The following RBMXL3 variants were observed in gnomAD, a reference collection of about 807,000 sequenced individuals.
The protein encoded by RBMXL3 is RNA-binding motif protein, X-linked-like-3.
Under a neutral mutation model 0.8 loss-of-function variants are expected in RBMXL3, and 2 were observed. The ratio of observed to expected loss-of-function variants is 2.54; its 90% CI spans 1.04 to 8.00. The LOEUF is 8.00. RBMXL3 is among the 30% of genes most tolerant of loss of function. The pLI, the probability that RBMXL3 is intolerant of heterozygous loss-of-function variation, is 0.04. For missense variants in RBMXL3, 1,127 were observed against 1,068.0 expected (o/e 1.06, Z -0.77); for synonymous variants, 447 against 449.8 (o/e 0.99, Z 0.08).
chrX:115,189,942 G>A lies in RBMXL3; in HGVS notation c.501G>A (p.Pro167=), dbSNP rs62601528. ...WASPPHKRAT[P]SSLAHSVGCG... ...GCCCACCCCACAAGAGGGCCACGCC[G>A]TCGAGCCTGGCTCACAGCGTTGGCT... Residue 167 remains proline (P), a synonymous_variant, in exon 1 of 1, where the codon CCG becomes CCA. Coordinates refer to ENST00000424776, the MANE Select transcript of RBMXL3 (RefSeq NM_001145346.2). The A allele has an allele frequency of 0.14, 166,191 of 1,158,351 alleles. 9,040 individuals are homozygous for A. Among genetic ancestry groups the A allele is most frequent in the Non-Finnish European group, 0.16 (140,529 of 868,750 alleles).
At position 115,192,401 on chromosome X, in the gene RBMXL3, A is replaced by T. The variant is rs2072848241; in HGVS notation, c.2960A>T (p.Gln987Leu). The stretch of plus-strand genomic sequence containing the variant: ...GGAGGAGGCCACTACGAGGAGTACC[A>T]GGGCAGCTTGCCTGACGCCTACAGC... ...YGGGGHYEEYQGSLPDAYSGD... is the reference protein window; with the variant it reads ...YGGGGHYEEYLGSLPDAYSGD... Residue 987 changes from glutamine (Q) to leucine (L), a missense_variant, in exon 1 of 1, where the codon CAG becomes CTG. Coordinates refer to ENST00000424776, the MANE Select transcript of RBMXL3 (RefSeq NM_001145346.2). 4.3e-6 allele frequency: 5 copies of T among 1,165,512 alleles called. No individual in the cohort carries two copies. The highest frequency in any genetic ancestry group is 5.7e-6 in the Non-Finnish European group (5 of 871,339).
Position 115,191,556 on chromosome X carries a change from C to G in RBMXL3, c.2115C>G (p.Gly705=). 1 of 975,578 alleles carries G rather than the reference C, an allele frequency of 1.0e-6. No homozygotes were observed. Among genetic ancestry groups the G allele is most frequent in the African/African-American group, 2.9e-5 (1 of 33,929 alleles). The allele number at this position is 975,578 out of a possible 1,213,427, so 80.4% of individuals were successfully genotyped here. Reference sequence around the variant, plus strand: ...GCCAGAGCAACCGCTATGGAGGAGGCGGCCGCTACGAGGAGTACCGAGGCC... The same window carrying G: ...GCCAGAGCAACCGCTATGGAGGAGGGGGCCGCTACGAGGAGTACCGAGGCC... ...SSSQSNRYGG[G]GRYEEYRGHS... is the part of the protein sequence containing the mutation. Residue 705 remains glycine (G), a synonymous_variant, in exon 1 of 1, where the codon GGC becomes GGG. Coordinates refer to ENST00000424776, the MANE Select transcript of RBMXL3 (RefSeq NM_001145346.2).
rs1556556382 is a variant in RBMXL3, at chrX:115,189,761, T to G, written c.320T>G (p.Phe107Cys). The G allele has an allele frequency of 3.4e-6, 4 of 1,165,969 alleles. No individual in the cohort carries two copies. The highest frequency in any genetic ancestry group is 4.6e-6 in the Non-Finnish European group (4 of 872,662). Residue 107 changes from phenylalanine to cysteine, a missense_variant, in exon 1 of 1, where the codon TTC becomes TGC. Coordinates refer to ENST00000424776, the MANE Select transcript of RBMXL3 (RefSeq NM_001145346.2). ...CCCGGCAGCGGCAGTCGCTCAAGGT[T>G]CTCACACAGAACCCGTGGGGGTGGC... ...PTPGSGSRSRFSHRTRGGGSS... is the reference protein window; with the variant it reads ...PTPGSGSRSRCSHRTRGGGSS...
Position 115,191,388 on chromosome X carries a change from C to T in RBMXL3, c.1947C>T (p.Ala649=). The part of the protein sequence containing the change: ...DANSGGRSPD[A]YSGGHDSSGQ... ...ACAGTGGAGGCCGCTCGCCTGATGC[C>T]TACAGTGGGGGCCACGACAGTTCTG... The change falls in exon 1 of 1, where the codon GCC becomes GCT. Residue 649 remains alanine, a synonymous_variant. Coordinates refer to ENST00000424776, the MANE Select transcript of RBMXL3 (RefSeq NM_001145346.2). 8.7e-7 allele frequency: 1 copy of T among 1,148,309 alleles called. No homozygotes were observed. 94.6% of individuals were successfully genotyped at this position (1,148,309 alleles called of 1,213,427 possible).
Position 115,189,753 on chromosome X carries a change from C to G in RBMXL3, c.312C>G (p.Arg104=). 8.6e-7 allele frequency: 1 copy of G among 1,166,967 alleles called. No individual in the cohort carries two copies. The highest frequency in any genetic ancestry group is 1.1e-6 in the Non-Finnish European group (1 of 872,604). ...WVPPTPGSGS[R]SRFSHRTRGG... is the part of the protein sequence containing the mutation. Reference sequence around the variant, plus strand: ...CGCCAACCCCCGGCAGCGGCAGTCGCTCAAGGTTCTCACACAGAACCCGTG... The same window carrying G: ...CGCCAACCCCCGGCAGCGGCAGTCGGTCAAGGTTCTCACACAGAACCCGTG... The change falls in exon 1 of 1, where the codon CGC becomes CGG. Residue 104 remains arginine (R), a synonymous_variant. Coordinates refer to ENST00000424776, the MANE Select transcript of RBMXL3 (RefSeq NM_001145346.2).
rs1321043369 is a variant in RBMXL3 at position 115,189,988 on chromosome X, C to G, written c.547C>G (p.Pro183Ala). ...TGGCTGTGGAATGCGCGGGAAGGCA[C>G]CGACTGTGTCGGGGCAAGATGGCTA... The part of the protein sequence containing the change: ...SVGCGMRGKA[P>A]TVSGQDGYSG... The change falls in exon 1 of 1, where the codon CCG becomes GCG. Residue 183 changes from proline to alanine, a missense_variant. Transcript: ENST00000424776. The G allele has an allele frequency of 8.6e-7, 1 of 1,162,666 alleles. No homozygotes were observed. Among genetic ancestry groups the G allele is most frequent in the African/African-American group, 1.8e-5 (1 of 56,162 alleles).
rs1556556752 is a variant in RBMXL3 at position 115,190,020 on chromosome X, C to T, written c.579C>T (p.Gly193=). 5 of 1,159,928 alleles carry T rather than the reference C, an allele frequency of 4.3e-6. No homozygotes were observed. The highest frequency in any genetic ancestry group is 5.2e-5 in the Admixed American group (2 of 38,636). The change falls in exon 1 of 1, where the codon GGC becomes GGT. Residue 193 remains glycine (G), a synonymous_variant. Transcript: ENST00000424776. ...PTVSGQDGYS[G]LQPRRWAGPP... ...TGTCGGGGCAAGATGGCTACTCAGG[C>T]TTGCAGCCACGGCGCTGGGCCGGCC...
chrX:115,189,441 C>G lies in RBMXL3; in HGVS notation c.-1C>G. The G allele has an allele frequency of 8.6e-7, 1 of 1,166,193 alleles. No individual in the cohort carries two copies. Among genetic ancestry groups the G allele is most frequent in the Non-Finnish European group, 1.1e-6 (1 of 871,316 alleles). On this transcript the variant is annotated 5_prime_UTR_variant, in exon 1 of 1. Coordinates refer to ENST00000424776, the MANE Select transcript of RBMXL3 (RefSeq NM_001145346.2). ...TCTGACCCACCATTCGGCAGGGAGA[C>G]ATGATGGAAGCGGATCGCCCAGAGA...
chrX:115,190,946 A>G lies in RBMXL3; in HGVS notation c.1505A>G (p.Asp502Gly), dbSNP rs1156272312. The change falls in exon 1 of 1, where the codon GAC becomes GGC. Residue 502 changes from aspartate (D) to glycine (G), a missense_variant. Asp to Gly is a moderately conservative substitution (Grantham distance 94). Transcript: ENST00000424776. ...SGGHDNSSWS[D>G]RYGVGGHYEE... ...GGCCACGACAATTCCAGCTGGAGCG[A>G]CCGCTACGGAGTAGGAGGCCACTAT... is the stretch of plus-strand genomic sequence containing the variant. 2.6e-6 allele frequency: 3 copies of G among 1,164,031 alleles called. No homozygotes were observed. Among genetic ancestry groups the G allele is most frequent in the East Asian group, 6.6e-5 (2 of 30,514 alleles).
chrX:115,190,206 G>A lies in RBMXL3; in HGVS notation c.765G>A (p.Ala255=), dbSNP rs782413916. The stretch of plus-strand genomic sequence containing the variant: ...GCGACCCTGGGGATTTTGTCCCTGC[G>A]CTCAGAGACTACAGCCGCCGCTATT... ...PCRDPGDFVP[A]LRDYSRRYYG... The change falls in exon 1 of 1, where the codon GCG becomes GCA. Residue 255 remains alanine, a synonymous_variant. Transcript: ENST00000424776. 2.9e-5 allele frequency: 34 copies of A among 1,165,192 alleles called. No individual in the cohort carries two copies. Among genetic ancestry groups the A allele is most frequent in the African/African-American group, 8.9e-5 (5 of 56,105 alleles).
In RBMXL3 at chrX:115,190,489, C is replaced by T. The variant is rs982344962; in HGVS notation, c.1048C>T (p.Pro350Ser). The T allele has an allele frequency of 8.6e-7, 1 of 1,166,866 alleles. No homozygotes were observed. Among genetic ancestry groups the T allele is most frequent in the East Asian group, 3.3e-5 (1 of 30,713 alleles). The change falls in exon 1 of 1, where the codon CCA becomes TCA. Residue 350 changes from proline (P) to serine (S), a missense_variant. By Grantham distance (74) the Pro-to-Ser change is moderately conservative. Transcript: ENST00000424776. ...TGAAGGCCGCTCGTCCGAGGCCTTG[C>T]CAGTCGTCTTGCCAGACGCCTACAG... The part of the protein sequence containing the change: ...CSEGRSSEAL[P>S]VVLPDAYSRD...
chrX:115,189,940 C>T lies in RBMXL3; in HGVS notation c.499C>T (p.Pro167Ser), dbSNP rs1367014038. The change falls in exon 1 of 1, where the codon CCG becomes TCG. Residue 167 changes from proline (P) to serine (S), a missense_variant. By Grantham distance (74) the Pro-to-Ser change is moderately conservative. Transcript: ENST00000424776. ...WASPPHKRAT[P>S]SSLAHSVGCG... The stretch of plus-strand genomic sequence containing the variant: ...CAGCCCACCCCACAAGAGGGCCACG[C>T]CGTCGAGCCTGGCTCACAGCGTTGG... 2.6e-6 allele frequency: 3 copies of T among 1,158,036 alleles called. No homozygotes were observed. The highest frequency in any genetic ancestry group is 2.6e-5 in the Admixed American group (1 of 38,330).
Position 115,190,753 on chromosome X carries a change from C to T in RBMXL3, c.1312C>T (p.Arg438Cys), listed in dbSNP as rs781862021. ...CTCACACGAGGCCCGCAGCGGGGGCCGCTCCACTGATGCCCACAGCAGGGG... is the reference window on the plus strand; with the variant it reads ...CTCACACGAGGCCCGCAGCGGGGGCTGCTCCACTGATGCCCACAGCAGGGG... ...GRSHEARSGG[R>C]STDAHSRGRS... The change falls in exon 1 of 1, where the codon CGC becomes TGC. Residue 438 changes from arginine (R) to cysteine (C), a missense_variant. Transcript: ENST00000424776. The T allele has an allele frequency of 2.5e-5, 29 of 1,161,390 alleles. No individual in the cohort carries two copies. In the South Asian group the frequency reaches 2.7e-4, roughly 11 times the overall value.
Position 115,192,516 on chromosome X carries a change from C to G in RBMXL3, c.3075C>G (p.Leu1025=). The change falls in exon 1 of 1, where the codon CTC becomes CTG. Residue 1025 remains leucine (L), a synonymous_variant. Coordinates refer to ENST00000424776, the MANE Select transcript of RBMXL3 (RefSeq NM_001145346.2). The part of the protein sequence containing the change: ...RDRVGRPDRG[L]PLPMETGSPP... Reference sequence around the variant, plus strand: ...GGGTAGGCAGACCGGATCGTGGGCTCCCTCTGCCCATGGAAACGGGCAGCC... The same window carrying G: ...GGGTAGGCAGACCGGATCGTGGGCTGCCTCTGCCCATGGAAACGGGCAGCC... 8.5e-7 allele frequency: 1 copy of G among 1,169,780 alleles called. No individual in the cohort carries two copies. Among genetic ancestry groups the G allele is most frequent in the Non-Finnish European group, 1.1e-6 (1 of 874,251 alleles).
chrX:115,192,306 C>G lies in RBMXL3; in HGVS notation c.2865C>G (p.Pro955=), dbSNP rs1556561129. The change falls in exon 1 of 1, where the codon CCC becomes CCG. Residue 955 remains proline, a synonymous_variant. Transcript: ENST00000424776. ...GGGRYEEYRG[P]SPDAHSGGRD... is the part of the protein sequence containing the mutation. ...GCCGCTACGAGGAGTACCGAGGCCCCTCGCCTGACGCCCACAGTGGGGGCC... is the reference window on the plus strand; with the variant it reads ...GCCGCTACGAGGAGTACCGAGGCCCGTCGCCTGACGCCCACAGTGGGGGCC... The G allele has an allele frequency of 1.7e-6, 2 of 1,161,192 alleles. No individual in the cohort carries two copies. Among genetic ancestry groups the G allele is most frequent in the Non-Finnish European group, 2.3e-6 (2 of 868,024 alleles).
At position 115,191,281 on chromosome X, in the gene RBMXL3, G is replaced by A. The variant is rs1430647819; in HGVS notation, c.1840G>A (p.Gly614Ser). 5.2e-6 allele frequency: 6 copies of A among 1,152,957 alleles called. No individual in the cohort carries two copies. In the African/African-American group the frequency reaches 9.3e-5, roughly 18 times the overall value. The change falls in exon 1 of 1, where the codon GGC (glycine) becomes AGC (serine). Residue 614 changes from glycine (G) to serine (S), a missense_variant. Transcript: ENST00000424776. ...GGRSPNAYSG[G>S]HDSSSWSHRY... ...CCGCTCGCCCAATGCCTACAGCGGG[G>A]GCCACGACAGTTCCAGCTGGAGCCA...
Position 115,190,299 on chromosome X carries a change from T to C in RBMXL3, c.858T>C (p.Gly286=). 1 of 1,149,255 alleles carries C rather than the reference T, an allele frequency of 8.7e-7. No individual in the cohort carries two copies. Among genetic ancestry groups the C allele is most frequent in the South Asian group, 2.0e-5 (1 of 50,272 alleles). The allele number at this position is 1,149,255 out of a possible 1,213,427, so 94.7% of individuals were successfully genotyped here. A position where few individuals can be genotyped will look rare whatever the true frequency, so the allele number is the denominator to read the frequency against. The stretch of plus-strand genomic sequence containing the variant: ...ACGGCAACCAAAATGGCTACAGGGG[T>C]CGCGACCATGAGTACACAGATCATC... ...RGDGNQNGYR[G]RDHEYTDHPS... The change falls in exon 1 of 1, where the codon GGT becomes GGC. Residue 286 remains glycine (G), a synonymous_variant. Transcript: ENST00000424776.
At position 115,191,694 on chromosome X, in the gene RBMXL3, C is replaced by T. The variant is rs782556888; in HGVS notation, c.2253C>T (p.Asn751=). 17 of 1,162,961 alleles carry T rather than the reference C, an allele frequency of 1.5e-5. No homozygotes were observed. The highest frequency in any genetic ancestry group is 3.7e-5 in the African/African-American group (2 of 54,564). ...GAGGAGGTCGCTCACTCGATGCCAA[C>T]AGCAGTGGCCGCTTGCCTGACGCCT... ...YGGGGRSLDA[N]SSGRLPDAYS... The change falls in exon 1 of 1, where the codon AAC becomes AAT. Residue 751 remains asparagine (N), a synonymous_variant. Transcript: ENST00000424776.
In RBMXL3 at chrX:115,192,015, A is replaced by C. The variant is rs1282868144; in HGVS notation, c.2574A>C (p.Gly858=). The C allele has an allele frequency of 1.4e-5, 16 of 1,166,092 alleles. No individual in the cohort carries two copies. Among genetic ancestry groups the C allele is most frequent in the African/African-American group, 1.1e-4 (6 of 55,712 alleles). ...ACCGGAGCCACCGCTATGGAGGAGG[A>C]GGCCACTACGAAGAGTACCGAGGCC... ...SYDRSHRYGG[G]GHYEEYRGRS... is the part of the protein sequence containing the mutation. The change falls in exon 1 of 1, where the codon GGA becomes GGC. Residue 858 remains glycine, a synonymous_variant. Coordinates refer to ENST00000424776, the MANE Select transcript of RBMXL3 (RefSeq NM_001145346.2).
Sources: allele counts gnomAD v4.1 joint callset, GRCh38; gene constraint gnomAD v4.1.1; transcripts MANE v1.5; gene names NCBI Gene and HGNC (gene_info 2026-07-23, HGNC 2026-07-21).